Variants in THADA observed in about 807,000 individuals in gnomAD.
The protein encoded by THADA is THADA armadillo repeat containing.
Under a neutral mutation model 219.8 loss-of-function variants are expected in THADA, and 213 were observed. The ratio of observed to expected loss-of-function variants is 0.97; its 90% confidence interval spans 0.87 to 1.09. THADA has a LOEUF of 1.09. Among genes scored for constraint, THADA ranks in the 50% least tolerant of loss-of-function variants. THADA has a pLI of 0.00. For synonymous variants in THADA, 1,018 were observed against 828.9 expected (o/e 1.23, Z -3.92); for missense variants, 2,956 against 2,311.3 (o/e 1.28, Z -5.72).
intron 26 of THADA, among the ~76,000 whole-genome samples, chr2:43,453,081 A>T (rs1682557882): frequency 6.6e-6 from 1 of 152,324 alleles, no homozygotes; most frequent in South Asian, 2.1e-4. Flanking sequence ...AGAAAAATAA[A>T]CAAACAAACA....
intron 21 of THADA, among the ~76,000 whole-genome samples, chr2:43,539,139 G>A (rs1479869503): frequency 6.6e-6 from 1 of 152,176 alleles, no homozygotes; most frequent in East Asian, 1.9e-4. Context: ...TCTAACTAGG[G>A]TTGCATTCTG....
At chr2:43,553,257 G>C (rs780382353) in intron 17 of THADA, among the ~76,000 whole-genome samples, 25 of 152,150 alleles carry the variant, frequency 1.6e-4, no homozygotes, top group Non-Finnish European at 3.4e-4. Flanking sequence ...TTTCTCTTAG[G>C]TATATCCTTG....
At chr2:43,232,186 CTTTTT>C (rs1229853936) in intron 37 of THADA, among the ~76,000 whole-genome samples, 1 of 146,692 alleles carries the variant, frequency 6.8e-6, no homozygotes, top group African/African-American at 2.5e-5. Flanking sequence ...CTTTTCTTTT[CTTTTT>C]TTTTTGAGAT....
chr2:43,278,817 T>C, intron 36 of THADA, among the ~76,000 whole-genome samples: 1 of 152,200 alleles, frequency 6.6e-6, no homozygotes, highest in Admixed American at 6.5e-5. Context: ...CCACAGTAAC[T>C]GATGAGGGGC....
At chr2:43,480,992 C>G (rs1266324720) in intron 26 of THADA, among the ~76,000 whole-genome samples, 1 of 152,184 alleles carries the variant, frequency 6.6e-6, no homozygotes, top group Admixed American at 6.5e-5. Context: ...CCCAATTGCC[C>G]TGCAGCTTTC....
intron 28 of THADA, among the ~76,000 whole-genome samples, chr2:43,416,128 A>C (rs949815033): frequency 4.6e-5 from 7 of 152,236 alleles, no homozygotes; most frequent in Non-Finnish European, 8.8e-5. Flanking sequence ...ACCAGAAAGA[A>C]GCTGAGCAAA....
chr2:43,543,879 G>A (rs1171585656), intron 20 of THADA, among the ~76,000 whole-genome samples: 1 of 151,742 alleles, frequency 6.6e-6, no homozygotes, highest in Admixed American at 6.6e-5. Context: ...AGTTTAATTA[G>A]ATCCCATTTG....
intron 31 of THADA, among the ~76,000 whole-genome samples, chr2:43,319,092 G>T (rs535573552): frequency 2.2e-4 from 34 of 152,176 alleles, no homozygotes; most frequent in Non-Finnish European, 4.4e-4. Flanking sequence ...AAGCTATATG[G>T]AATTTGGAAC....
intron 35 of THADA, among the ~76,000 whole-genome samples, chr2:43,282,458 A>G (rs558164523): frequency 1.8e-4 from 28 of 152,366 alleles, no homozygotes; most frequent in African/African-American, 6.3e-4. Flanking sequence ...TATCTAAAAA[A>G]CAATTCCTTC....
intron 25 of THADA, among the ~76,000 whole-genome samples, chr2:43,496,279 G>A (rs1046457315): frequency 6.6e-6 from 1 of 152,106 alleles, no homozygotes; most frequent in African/African-American, 2.4e-5. Flanking sequence ...AAACTATAAT[G>A]TTTCTCCCAG....
intron 31 of THADA, among the ~76,000 whole-genome samples, chr2:43,313,906 G>A (rs1677788829): frequency 6.6e-6 from 1 of 152,232 alleles, no homozygotes; most frequent in African/African-American, 2.4e-5. Flanking sequence ...TGCCACCTTA[G>A]CACACATGGG....
In THADA at chr2:43,552,306, T is replaced by C; in HGVS notation, c.2708A>G (p.Glu903Gly). The change falls in exon 18 of 38, where the codon GAA becomes GGA. Residue 903 changes from glutamate to glycine, a missense_variant. By Grantham distance (98) the Glu-to-Gly change is moderately conservative (BLOSUM62 -2). Coordinates refer to ENST00000405975, the MANE Select transcript of THADA (RefSeq NM_022065.5). Reference sequence around the variant, plus strand: ...CAGAGAATTTTCAGCCTGAGATACTTCTTCCTCAAGATTTTCCATCAAGCA... The same window carrying C: ...CAGAGAATTTTCAGCCTGAGATACTCCTTCCTCAAGATTTTCCATCAAGCA... ...IKCLMENLEE[E>G]VSQAENSLLQ... 1.2e-6 allele frequency: 2 copies of C among 1,604,020 alleles called. No individual in the cohort carries two copies. Among genetic ancestry groups the C allele is most frequent in the Non-Finnish European group, 1.7e-6 (2 of 1,177,302 alleles).
chr2:43,278,100 G>A (rs976334608), intron 36 of THADA, among the ~76,000 whole-genome samples: 2 of 151,872 alleles, frequency 1.3e-5, no homozygotes, highest in Non-Finnish European at 2.9e-5. Flanking sequence ...ACGGGTGCCC[G>A]CCACCATGCC....
intron 7 of THADA, among the ~76,000 whole-genome samples, chr2:43,583,196 G>C (rs1416413958): frequency 6.6e-6 from 1 of 152,120 alleles, no homozygotes; most frequent in East Asian, 1.9e-4. Context: ...CTCTAAATGA[G>C]TGAACTTATC....
intron 22 of THADA, among the ~76,000 whole-genome samples, chr2:43,520,360 T>C (rs1692249404): frequency 6.6e-6 from 1 of 152,154 alleles, no homozygotes; most frequent in African/African-American, 2.4e-5. Flanking sequence ...TCAAGGTTCA[T>C]CATAAACAAC....
chr2:43,485,501 A>G (rs1686809180), intron 25 of THADA, among the ~76,000 whole-genome samples, 176 bp from the exon 26 acceptor site: 3 of 152,202 alleles, frequency 2.0e-5, no homozygotes. Flanking sequence ...CATCGATTCA[A>G]TGACTTCAAT....
chr2:43,406,944 A>G (rs1319114162), intron 28 of THADA, among the ~76,000 whole-genome samples: 1 of 152,206 alleles, frequency 6.6e-6, no homozygotes, highest in Admixed American at 6.5e-5. Context: ...AAAACCCTTC[A>G]CAATGTTTCT....
rs566190934 is a variant in THADA at position 43,538,531 on chromosome 2, A to T, written c.3264+2628T>A. The T allele has an allele frequency of 3.9e-5, 6 of 152,364 alleles. No individual in the cohort carries two copies. In the South Asian group the frequency reaches 1.2e-3, roughly 32 times the overall value. 9.4% of individuals were successfully genotyped at this position (152,364 alleles called of 1,614,324 possible). A position where few individuals can be genotyped will look rare whatever the true frequency, so the allele number is the denominator to read the frequency against. ...TCATTTAAGAAAAAGTTCAGTAGCA[A>T]GTCATCTTACTGTCCTGTTGCTTGC... On this transcript the variant is annotated intron_variant, in intron 21 of 37. Transcript: ENST00000405975.
At chr2:43,514,387 G>T (rs766417227) in intron 22 of THADA, among the ~76,000 whole-genome samples, 3 of 148,908 alleles carry the variant, frequency 2.0e-5, no homozygotes, top group Non-Finnish European at 4.4e-5. Context: ...AGAGGCAGAG[G>T]TTGCAGTGAG....
Sources: allele counts gnomAD v4.1 joint callset (sites outside exome capture counted in the v4.1 genomes callset), GRCh38; gene constraint gnomAD v4.1.1; transcripts MANE v1.5; gene names NCBI Gene and HGNC (gene_info 2026-07-23, HGNC 2026-07-21).